Variants in HLCS observed in about 807,000 individuals in gnomAD.
The protein encoded by HLCS is biotin--protein ligase.
A neutral mutation model predicts 75.0 loss-of-function variants in HLCS; 53 were observed. The ratio of observed to expected loss-of-function variants is 0.71; its 90% CI spans 0.57 to 0.89. The LOEUF (loss-of-function observed/expected upper bound fraction) is 0.89. HLCS is among the 40% of genes least tolerant of loss of function. The pLI is 0.00. For missense variants in HLCS, 966 were observed against 1,074.0 expected, an observed-to-expected ratio of 0.90 and a Z score of 1.41; for synonymous variants, 431 against 428.6, an observed-to-expected ratio of 1.01 and a Z score of -0.07.
chr21:36,856,321 G>C (rs1015834168), intron 6 of HLCS, among the ~76,000 whole-genome samples: 1 of 152,190 alleles, frequency 6.6e-6, no homozygotes, highest in African/African-American at 2.4e-5. Context: ...AAGAGAACTG[G>C]AGGGGAAAAA....
At chr21:36,857,884 G>A (rs139642506) in intron 6 of HLCS, among the ~76,000 whole-genome samples, 146 of 152,156 alleles carry the variant, frequency 9.6e-4, no homozygotes, top group Non-Finnish European at 2.0e-3. Context: ...CTCCCTCCCA[G>A]GTTCAAGTGA....
chr21:36,967,781 G>A (rs935754530), upstream of HLCS, among the ~76,000 whole-genome samples: 5 of 148,544 alleles, frequency 3.4e-5, no homozygotes, highest in African/African-American at 1.2e-4. Flanking sequence ...GTGCAGTGGT[G>A]CAATCTCGGC....
intron 2 of HLCS, among the ~76,000 whole-genome samples, chr21:36,959,320 C>T (rs1207103608): frequency 6.6e-6 from 1 of 152,180 alleles, no homozygotes; most frequent in South Asian, 2.1e-4. Context: ...CCACCTCAGC[C>T]CCCCTCTAGA....
At chr21:36,809,743 TTTTGC>T (rs1457194597) in intron 6 of HLCS, among the ~76,000 whole-genome samples, 2 of 152,202 alleles carry the variant, frequency 1.3e-5, no homozygotes, top group Non-Finnish European at 2.9e-5. Context: ...GATAGTTTTG[TTTTGC>T]TTTGCTTTGA....
chr21:36,802,199 G>A (rs1290222997), intron 6 of HLCS, among the ~76,000 whole-genome samples: 1 of 152,138 alleles, frequency 6.6e-6, no homozygotes, highest in African/African-American at 2.4e-5. Context: ...CAGGCCTCTT[G>A]CAACTTGGGA....
rs1040234674 is a variant in HLCS at position 36,808,211 on chromosome 21, C to T, written c.1893-40926G>A. 3.3e-5 allele frequency among the ~76,000 whole-genome samples: 5 copies of T among 152,230 alleles called. No homozygotes were observed. The South Asian group carries it at 1.0e-3, about 32-fold the overall frequency. ...CATACTACACTAGCTGAGCATCTTGCTTTTTTCACTTAATGTAACATTGGG... is the reference window on the plus strand; with the variant it reads ...CATACTACACTAGCTGAGCATCTTGTTTTTTTCACTTAATGTAACATTGGG... On this transcript the variant is annotated intron_variant, in intron 6 of 10. Transcript: ENST00000674895.
In HLCS at chr21:36,888,494, A is replaced by ATATT. The variant is rs1164790773; in HGVS notation, c.1892+8362_1892+8365dup. On this transcript the variant is annotated intron_variant, in intron 6 of 10. Transcript: ENST00000674895. ...TATATATATATATATATATATATAT[A>ATATT]TATTTATTTATTTATTTTATGGGAT... Among the ~76,000 whole-genome samples, 132 of 92,918 alleles carry ATATT rather than the reference A, an allele frequency of 1.4e-3. 2 individuals are homozygous for ATATT. The highest frequency in any genetic ancestry group is 3.1e-3 in the East Asian group (10 of 3,202). The allele number at this position is 92,918 out of a possible 152,430, so 61.0% of individuals were successfully genotyped here. A position where few individuals can be genotyped will look rare whatever the true frequency, so the allele number is the denominator to read the frequency against.
chr21:36,925,357 A>C (rs2066354812), intron 5 of HLCS, among the ~76,000 whole-genome samples: 1 of 152,182 alleles, frequency 6.6e-6, no homozygotes, highest in African/African-American at 2.4e-5. Context: ...ACTGTTAGCC[A>C]CCGTTGGCCA....
Position 36,756,660 on chromosome 21 carries a change from A to C in HLCS, c.2332T>G (p.Leu778Val), listed in dbSNP as rs199517800. Residue 778 changes from leucine (L) to valine (V), a missense_variant, in exon 10 of 11, where the codon TTA (leucine) becomes GTA (valine). Leu to Val is a conservative substitution (Grantham distance 32, BLOSUM62 1). Coordinates refer to ENST00000674895, the MANE Select transcript of HLCS (RefSeq NM_001352514.2). Reference protein sequence around the residue: ...NKQHKAELKPLRADYLIARVV... With the variant: ...NKQHKAELKPVRADYLIARVV... Reference sequence around the variant, plus strand: ...CTGGCGATGAGATAATCGGCTCTTAAGGGCTTCAGTTCTGCCTTGTGTTGT... The same window carrying C: ...CTGGCGATGAGATAATCGGCTCTTACGGGCTTCAGTTCTGCCTTGTGTTGT... The C allele has an allele frequency of 2.7e-5, 43 of 1,614,108 alleles. No individual in the cohort carries two copies. The East Asian group carries it at 8.2e-4, about 31-fold the overall frequency.
intron 4 of HLCS, among the ~76,000 whole-genome samples, chr21:36,935,736 C>T (rs900578106): frequency 1.3e-5 from 2 of 152,182 alleles, no homozygotes; most frequent in African/African-American, 4.8e-5. Context: ...TTATCCGCTA[C>T]CGTTTGCTTA....
intron 2 of HLCS, among the ~76,000 whole-genome samples, chr21:36,953,709 T>C (rs2067778920): frequency 6.6e-6 from 1 of 152,234 alleles, no homozygotes; most frequent in Admixed American, 6.5e-5. Context: ...ATATTTTATA[T>C]AATTGCAATA....
intron 8 of HLCS, among the ~76,000 whole-genome samples, chr21:36,761,073 C>T (rs530467572): frequency 6.6e-6 from 1 of 152,358 alleles, no homozygotes; most frequent in Non-Finnish European, 1.5e-5. Context: ...TCCCACGTTG[C>T]AGGCCGGGCA....
chr21:36,874,038 A>G (rs908717490), intron 6 of HLCS, among the ~76,000 whole-genome samples: 3 of 152,232 alleles, frequency 2.0e-5, no homozygotes, highest in Admixed American at 6.5e-5. Flanking sequence ...TCACTTCTGT[A>G]TTAAGGTCTA....
chr21:36,979,403 G>A (rs937269711), intron 1 of HLCS, among the ~76,000 whole-genome samples: 5 of 152,076 alleles, frequency 3.3e-5, no homozygotes, highest in African/African-American at 4.8e-5. Flanking sequence ...ACCTTCATCC[G>A]TTTACATTCT....
At chr21:36,982,721 G>T (rs559741299) in intron 1 of HLCS, among the ~76,000 whole-genome samples, 6 of 152,234 alleles carry the variant, frequency 3.9e-5, no homozygotes, top group African/African-American at 1.4e-4. Flanking sequence ...ACAATGCCAG[G>T]GGTGTCATTA....
intron 5 of HLCS, among the ~76,000 whole-genome samples, chr21:36,923,030 C>T (rs547260437): frequency 7.9e-5 from 12 of 152,258 alleles, no homozygotes; most frequent in African/African-American, 2.9e-4. Context: ...TCAACGGTTC[C>T]GTCATCGCCG....
At chr21:36,879,131 A>G (rs2064103719) in intron 6 of HLCS, among the ~76,000 whole-genome samples, 1 of 96 alleles carries the variant, frequency 0.01, no homozygotes, top group African/African-American at 0.029. Flanking sequence ...GAACAAAAAT[A>G]ATTGGAATAT....
At chr21:36,907,970 A>C (rs2065532877) in intron 5 of HLCS, among the ~76,000 whole-genome samples, 1 of 152,118 alleles carries the variant, frequency 6.6e-6, no homozygotes, top group Non-Finnish European at 1.5e-5. Context: ...TGAATGGTTA[A>C]AATTAAAAAA....
intron 2 of HLCS, among the ~76,000 whole-genome samples, chr21:36,950,050 C>T (rs2067597256): frequency 6.6e-6 from 1 of 152,120 alleles, no homozygotes; most frequent in South Asian, 2.1e-4. Flanking sequence ...TTCCTACTCC[C>T]AACACTCATC....
Sources: allele counts gnomAD v4.1 joint callset (sites outside exome capture counted in the v4.1 genomes callset), GRCh38; gene constraint gnomAD v4.1.1; transcripts MANE v1.5; gene names NCBI Gene and HGNC (gene_info 2026-07-23, HGNC 2026-07-21).